Variants in KCND2 observed in about 807,000 individuals in gnomAD.
KCND2 encodes the protein A-type voltage-gated potassium channel KCND2.
Under a neutral mutation model 54.4 loss-of-function variants are expected in KCND2, and 16 were observed. The ratio of observed to expected loss-of-function variants is 0.29; its 90% CI spans 0.20 to 0.45. The LOEUF (loss-of-function observed/expected upper bound fraction) is 0.45. Ranked by LOEUF, KCND2 falls within the 20% of genes least tolerant of loss-of-function variation. KCND2 has a pLI of 1.00. For missense variants in KCND2, 486 were observed against 824.2 expected (o/e 0.59, Z 5.02); for synonymous variants, 317 against 310.7 (o/e 1.02, Z -0.21).
chr7:120,553,821 G>A (rs533426219), intron 1 of KCND2, among the ~76,000 whole-genome samples: 72 of 152,290 alleles, frequency 4.7e-4, no homozygotes, highest in African/African-American at 1.6e-3. Context: ...TTTCTAGCAG[G>A]TTTTTACACC....
chr7:120,736,787 C>T (rs1284577608), intron 2 of KCND2, among the ~76,000 whole-genome samples: 3 of 151,712 alleles, frequency 2.0e-5, no homozygotes, highest in Non-Finnish European at 4.4e-5. Context: ...CTCATGCTCA[C>T]AAACCTAGTG....
At chr7:120,552,399 G>A (rs1369996773) in intron 1 of KCND2, among the ~76,000 whole-genome samples, 1 of 152,148 alleles carries the variant, frequency 6.6e-6, no homozygotes, top group South Asian at 2.1e-4. Context: ...CTAGTTTCTT[G>A]TCTGGGTTCT....
At chr7:120,571,722 C>A (rs1287029423) in intron 1 of KCND2, among the ~76,000 whole-genome samples, 2 of 152,196 alleles carry the variant, frequency 1.3e-5, no homozygotes, top group Non-Finnish European at 2.9e-5. Flanking sequence ...ACCTAAACAT[C>A]TGGCTAAGTA....
At chr7:120,421,307 A>G (rs1194034991) in intron 1 of KCND2, among the ~76,000 whole-genome samples, 1 of 152,174 alleles carries the variant, frequency 6.6e-6, no homozygotes, top group African/African-American at 2.4e-5. Context: ...TCTTCTCTAG[A>G]GATGATGAAA....
At chr7:120,606,671 C>T (rs1044524315) in intron 1 of KCND2, among the ~76,000 whole-genome samples, 7 of 151,986 alleles carry the variant, frequency 4.6e-5, no homozygotes, top group African/African-American at 1.7e-4. Flanking sequence ...AATCAACTGA[C>T]TATAAATGTG....
chr7:120,285,415 T>C (rs1799325154), intron 1 of KCND2, among the ~76,000 whole-genome samples: 1 of 151,812 alleles, frequency 6.6e-6, no homozygotes, highest in African/African-American at 2.4e-5. Context: ...AAGAAAGTAT[T>C]AAGTCTTTTT....
chr7:120,389,362 A>ATGTG (rs1248347269), intron 1 of KCND2, among the ~76,000 whole-genome samples: 3 of 151,822 alleles, frequency 2.0e-5, no homozygotes, highest in Non-Finnish European at 4.4e-5. Flanking sequence ...TTGTATGTGT[A>ATGTG]TGTGTGTGTG....
chr7:120,525,093 C>T (rs1791756929), intron 1 of KCND2, among the ~76,000 whole-genome samples: 1 of 152,090 alleles, frequency 6.6e-6, no homozygotes, highest in South Asian at 2.1e-4. Flanking sequence ...CATGTTGGTT[C>T]CTGCCAGTGT....
At chr7:120,715,098 A>C (rs1584894093) in intron 1 of KCND2, among the ~76,000 whole-genome samples, 1 of 152,158 alleles carries the variant, frequency 6.6e-6, no homozygotes, top group East Asian at 1.9e-4. Flanking sequence ...TGCCGATCAA[A>C]GTTGATTACA....
intron 1 of KCND2, among the ~76,000 whole-genome samples, chr7:120,659,659 T>G (rs1054429428): frequency 3.9e-5 from 6 of 152,164 alleles, no homozygotes; most frequent in Non-Finnish European, 8.8e-5. Context: ...GACAATCCAA[T>G]GAGACATTTA....
intron 1 of KCND2, among the ~76,000 whole-genome samples, chr7:120,579,438 C>A (rs1792484351): frequency 6.6e-6 from 1 of 151,600 alleles, no homozygotes; most frequent in East Asian, 1.9e-4. Flanking sequence ...CCCACCTCTA[C>A]TAAAAATACA....
intron 1 of KCND2, among the ~76,000 whole-genome samples, chr7:120,529,514 G>T (rs1278562990): frequency 6.6e-6 from 1 of 152,144 alleles, no homozygotes; most frequent in Non-Finnish European, 1.5e-5. Flanking sequence ...CAGCAAAAGT[G>T]TCTTTCCTAG....
chr7:120,555,340 G>C (rs936134997), intron 1 of KCND2, among the ~76,000 whole-genome samples: 6 of 152,138 alleles, frequency 3.9e-5, no homozygotes, highest in African/African-American at 7.2e-5. Flanking sequence ...TGGTTTTTGA[G>C]ACAGGGTCTG....
chr7:120,555,582 T>A (rs1345043844), intron 1 of KCND2, among the ~76,000 whole-genome samples: 1 of 152,206 alleles, frequency 6.6e-6, no homozygotes, highest in Admixed American at 6.5e-5. Flanking sequence ...ATCCAACTGT[T>A]TGCTCAAGAT....
intron 1 of KCND2, among the ~76,000 whole-genome samples, chr7:120,443,098 C>T (rs982460375): frequency 5.9e-5 from 9 of 152,010 alleles, no homozygotes; most frequent in Admixed American, 4.6e-4. Context: ...GGAGTGGTGT[C>T]GACTTTGATA....
chr7:120,323,522 C>T (rs1799926799), intron 1 of KCND2, among the ~76,000 whole-genome samples: 1 of 147,004 alleles, frequency 6.8e-6, no homozygotes, highest in African/African-American at 2.5e-5. Flanking sequence ...TTGTTCAATT[C>T]CCACCTATGA....
intron 1 of KCND2, among the ~76,000 whole-genome samples, chr7:120,317,393 A>G (rs1445684708): frequency 2.6e-5 from 4 of 152,190 alleles, no homozygotes; most frequent in Admixed American, 2.6e-4. Context: ...ATATATATGT[A>G]TCATACCTAA....
At chr7:120,574,654 G>A (rs1792405095) in intron 1 of KCND2, among the ~76,000 whole-genome samples, 1 of 151,876 alleles carries the variant, frequency 6.6e-6, no homozygotes, top group Non-Finnish European at 1.5e-5. Context: ...GATTGTTTTT[G>A]TTAGACTGAG....
chr7:120,670,976 T>C (rs535180691), intron 1 of KCND2, among the ~76,000 whole-genome samples: 1 of 149,810 alleles, frequency 6.7e-6, no homozygotes, highest in East Asian at 2.0e-4. Flanking sequence ...TTATTACCTC[T>C]GAAAAGATTG....
Sources: gnomAD v4.1 joint callset for allele counts (sites outside exome capture counted in the v4.1 genomes callset) on GRCh38, gnomAD v4.1.1 for gene constraint, MANE v1.5 for transcripts, NCBI Gene and HGNC (gene_info 2026-07-23, HGNC 2026-07-21) for gene names.